Variants in TP63 observed in about 807,000 individuals in gnomAD.
TP63 encodes the protein tumor protein 63.
TP63 carries 17 observed loss-of-function variants against 82.8 expected under a neutral mutation model. The ratio of observed to expected loss-of-function variants is 0.21; its 90% CI spans 0.14 to 0.31. TP63 has a LOEUF of 0.31. Ranked by LOEUF, TP63 falls within the 10% of genes least tolerant of loss-of-function variation. TP63 has a pLI of 1.00. For synonymous variants in TP63, 330 were observed against 321.7 expected, an observed-to-expected ratio of 1.03 and a Z score of -0.28; for missense variants, 648 against 895.3, an observed-to-expected ratio of 0.72 and a Z score of 3.52.
At chr3:189,781,237 G>A (rs1052003440) in intron 3 of TP63, among the ~76,000 whole-genome samples, 1 of 152,146 alleles carries the variant, frequency 6.6e-6, no homozygotes, top group African/African-American at 2.4e-5. Context: ...GTATACTTAG[G>A]ATTTAAGGGT....
At chr3:189,621,006 T>A in the TP63 span, among the ~76,000 whole-genome samples, 1 of 152,228 alleles carries the variant, frequency 6.6e-6, no homozygotes, top group East Asian at 1.9e-4. Flanking sequence ...TTCACCTGTA[T>A]AGTTTTTATA....
At chr3:189,609,225 T>A in the TP63 span, among the ~76,000 whole-genome samples, 3 of 152,194 alleles carry the variant, frequency 2.0e-5, no homozygotes, top group South Asian at 4.1e-4. Context: ...ATGAGTTTCA[T>A]GTAACATAGA....
chr3:189,850,500 A>G (rs1715484708), intron 4 of TP63, among the ~76,000 whole-genome samples: 1 of 152,194 alleles, frequency 6.6e-6, no homozygotes, highest in African/African-American at 2.4e-5. Context: ...ATACCTGTAT[A>G]TAAGAACATG....
chr3:189,657,937 C>T (rs1713535154), intron 1 of TP63, among the ~76,000 whole-genome samples: 1 of 152,088 alleles, frequency 6.6e-6, no homozygotes, highest in South Asian at 2.1e-4. Flanking sequence ...GTTACAAGCA[C>T]ACTTTCATCC....
At chr3:189,849,240 T>G (rs1301132348) in intron 4 of TP63, among the ~76,000 whole-genome samples, 2 of 152,188 alleles carry the variant, frequency 1.3e-5, no homozygotes, top group African/African-American at 4.8e-5. Flanking sequence ...GTAAATGTGT[T>G]TCCTTGAATT....
At chr3:189,868,434 C>A in intron 7 of TP63, 146 bp from the exon 8 acceptor site, 1 of 1,151,518 alleles carries the variant, frequency 8.7e-7, no homozygotes, top group Non-Finnish European at 1.2e-6. Context: ...CTGCCAAGTG[C>A]TTTTGGGTCC....
chr3:189,688,123 A>G (rs980988291), intron 1 of TP63, among the ~76,000 whole-genome samples: 1 of 152,152 alleles, frequency 6.6e-6, no homozygotes, highest in Non-Finnish European at 1.5e-5. Flanking sequence ...GCTCCTTCAA[A>G]GGATTTTGGG....
At chr3:189,794,077 T>A (rs746684541) in intron 3 of TP63, among the ~76,000 whole-genome samples, 1 of 152,100 alleles carries the variant, frequency 6.6e-6, no homozygotes, top group South Asian at 2.1e-4. Flanking sequence ...GGCTTATTAA[T>A]GGGCCACCAC....
At chr3:189,825,655 T>C (rs1229881584) in intron 4 of TP63, among the ~76,000 whole-genome samples, 1 of 152,228 alleles carries the variant, frequency 6.6e-6, no homozygotes, top group Non-Finnish European at 1.5e-5. Flanking sequence ...TAATTGTGTC[T>C]TCTCTATTCT....
intron 1 of TP63, among the ~76,000 whole-genome samples, chr3:189,646,061 GA>G (rs1366412644): frequency 6.8e-6 from 1 of 147,296 alleles, no homozygotes; most frequent in Non-Finnish European, 1.5e-5. Context: ...TTCAATTTGA[GA>G]AGCATGGATC....
At chr3:189,622,763 T>C in the TP63 span, among the ~76,000 whole-genome samples, 1 of 152,212 alleles carries the variant, frequency 6.6e-6, no homozygotes, top group African/African-American at 2.4e-5. Context: ...ATCGTGTGAT[T>C]GTAAGTTTGT....
At chr3:189,628,074 C>A (rs1729359635), upstream of TP63, among the ~76,000 whole-genome samples, 1 of 152,070 alleles carries the variant, frequency 6.6e-6, no homozygotes, top group Non-Finnish European at 1.5e-5. Context: ...AAGCTGTTCA[C>A]AATCCAGTAC....
chr3:189,737,926 G>A, intron 2 of TP63, 58 bp downstream of exon 2: 8 of 1,607,536 alleles, frequency 5.0e-6, no homozygotes, highest in Non-Finnish European at 6.8e-6. Flanking sequence ...AATGTGGGTG[G>A]TCAAAATATT....
At chr3:189,622,177 C>T in the TP63 span, among the ~76,000 whole-genome samples, 6 of 152,160 alleles carry the variant, frequency 3.9e-5, no homozygotes, top group Admixed American at 1.3e-4. Context: ...TGTGGATGCC[C>T]GCCATGAGCT....
At chr3:189,619,803 T>C in the TP63 span, among the ~76,000 whole-genome samples, 1 of 152,080 alleles carries the variant, frequency 6.6e-6, no homozygotes, top group Admixed American at 6.5e-5. Flanking sequence ...CTCAGTAAAT[T>C]GTATAGCAAT....
At chr3:189,758,844 G>T (rs1245900190) in intron 3 of TP63, among the ~76,000 whole-genome samples, 3 of 152,156 alleles carry the variant, frequency 2.0e-5, no homozygotes. Flanking sequence ...TTTGAAACTA[G>T]ACAAGGTTGA....
At chr3:189,835,915 AAATAATAATAAT>A (rs71711373) in intron 4 of TP63, among the ~76,000 whole-genome samples, 17,306 of 136,766 alleles carry the variant, frequency 0.13, 1,360 homozygotes, top group Middle Eastern at 0.25. Context: ...CTCCATCTCA[AAATAATAATAAT>A]AATAATAATA....
At chr3:189,884,386 C>T (rs1720224960) in intron 10 of TP63, among the ~76,000 whole-genome samples, 1 of 152,174 alleles carries the variant, frequency 6.6e-6, no homozygotes, top group South Asian at 2.1e-4. Flanking sequence ...TATTTCTTGT[C>T]CCCATAACCT....
chr3:189,796,172 T>C (rs1515494), intron 3 of TP63, among the ~76,000 whole-genome samples: 7,521 of 152,100 alleles, frequency 0.049, 229 homozygotes, highest in Admixed American at 0.078. Context: ...GAGGGAAATA[T>C]GAATATCCCA....
Sources: gnomAD v4.1 joint callset for allele counts (sites outside exome capture counted in the v4.1 genomes callset) on GRCh38, gnomAD v4.1.1 for gene constraint, MANE v1.5 for transcripts, NCBI Gene and HGNC (gene_info 2026-07-23, HGNC 2026-07-21) for gene names.